Variants in RNF139 observed in about 807,000 individuals in gnomAD.
RNF139 encodes E3 ubiquitin-protein ligase RNF139.
A neutral mutation model predicts 49.5 loss-of-function variants in RNF139; 15 were observed. The observed-to-expected ratio is 0.30, with a 90% CI of 0.20 to 0.47. The LOEUF (loss-of-function observed/expected upper bound fraction) is 0.47, where lower values mean the gene tolerates loss of function less well. RNF139 is among the 20% of genes least tolerant of loss of function. The pLI is 1.00. For synonymous variants in RNF139, 325 were observed against 300.9 expected, an observed-to-expected ratio of 1.08 and a Z score of -0.83; for missense variants, 619 against 806.3, an observed-to-expected ratio of 0.77 and a Z score of 2.81.
rs1468276164 is a variant in RNF139, at chr8:124,482,944, AT to A, written c.182-2886del. The stretch of plus-strand genomic sequence containing the variant: ...TCCATTAAAAAAAATATAAAAAAAA[AT>A]ATATATATATATAATATATATATAT... On this transcript the variant is annotated intron_variant, in intron 1 of 1. Coordinates refer to ENST00000303545, the MANE Select transcript of RNF139 (RefSeq NM_007218.4). 1.3e-3 allele frequency among the ~76,000 whole-genome samples: 132 copies of A among 100,534 alleles called. 3 individuals are homozygous for A. The highest frequency in any genetic ancestry group is 8.4e-3 in the East Asian group (33 of 3,922). 66.0% of individuals were successfully genotyped at this position (100,534 alleles called of 152,430 possible).
In RNF139 at chr8:124,486,018, T is replaced by C; in HGVS notation, c.369T>C (p.Gly123=). 1 of 1,614,124 alleles carries C rather than the reference T, an allele frequency of 6.2e-7. No homozygotes were observed. The highest frequency in any genetic ancestry group is 8.5e-7 in the Non-Finnish European group (1 of 1,179,974). ...AFGIELLPRK[G]PSLWMALIVL... is the part of the protein sequence containing the mutation. ...GAATTGAGCTGCTTCCTCGAAAAGG[T>C]CCCTCGCTGTGGATGGCACTTATCG... is the stretch of plus-strand genomic sequence containing the variant. The change falls in exon 2 of 2, where the codon GGT becomes GGC. Residue 123 remains glycine (G), a synonymous_variant. Coordinates refer to ENST00000303545, the MANE Select transcript of RNF139 (RefSeq NM_007218.4).
chr8:124,483,059 AAAAT>A (rs1816466884), intron 1 of RNF139, among the ~76,000 whole-genome samples: 1 of 10,892 alleles, frequency 9.2e-5, no homozygotes, highest in Non-Finnish European at 1.7e-4. Context: ...ATATCTATTA[AAAAT>A]ATATATATAT....
Position 124,487,672 on chromosome 8 carries a change from G to A in RNF139, c.*28G>A, listed in dbSNP as rs759925652. ...AAAATAGCATTTATTAATGATTGAGGTATTTGTTTAAAATTCAGTTCATCC... is the reference window on the plus strand; with the variant it reads ...AAAATAGCATTTATTAATGATTGAGATATTTGTTTAAAATTCAGTTCATCC... On this transcript the variant is annotated 3_prime_UTR_variant, in exon 2 of 2. Coordinates refer to ENST00000303545, the MANE Select transcript of RNF139 (RefSeq NM_007218.4). 1.1e-5 allele frequency: 17 copies of A among 1,557,264 alleles called. No homozygotes were observed. The highest frequency in any genetic ancestry group is 9.8e-5 in the South Asian group (8 of 81,932).
chr8:124,487,044 T>C lies in RNF139; in HGVS notation c.1395T>C (p.Arg465=), dbSNP rs1816547953. The C allele has an allele frequency of 6.2e-7, 1 of 1,614,092 alleles. No homozygotes were observed. Among genetic ancestry groups the C allele is most frequent in the Non-Finnish European group, 8.5e-7 (1 of 1,179,998 alleles). ...EKLDDYVYYV[R]STGSIIEFIF... is the part of the protein sequence containing the mutation. ...TTGACGATTATGTCTACTACGTTCGTTCAACAGGCAGTATTATTGAATTTA... is the reference window on the plus strand; with the variant it reads ...TTGACGATTATGTCTACTACGTTCGCTCAACAGGCAGTATTATTGAATTTA... Residue 465 remains arginine, a synonymous_variant, in exon 2 of 2, where the codon CGT becomes CGC. Coordinates refer to ENST00000303545, the MANE Select transcript of RNF139 (RefSeq NM_007218.4).
chr8:124,487,275 A>C lies in RNF139; in HGVS notation c.1626A>C (p.Glu542Asp). Residue 542 changes from glutamate to aspartate, a missense_variant, in exon 2 of 2, where the codon GAA (glutamate) becomes GAC (aspartate). Glu to Asp is a conservative substitution (Grantham distance 45). Around this residue, in one of 2 missense-constraint regions of RNF139, gnomAD observed 530 missense variants for 728.9 expected, o/e 0.73. Transcript: ENST00000303545. ...LPEIKGSRLQ[E>D]INDVCAICYH... ...AAATAAAAGGGAGCCGCTTACAAGA[A>C]ATAAATGATGTATGTGCAATCTGCT... is the stretch of plus-strand genomic sequence containing the variant. 6.2e-7 allele frequency: 1 copy of C among 1,614,056 alleles called. No individual in the cohort carries two copies. The highest frequency in any genetic ancestry group is 8.5e-7 in the Non-Finnish European group (1 of 1,179,994).
chr8:124,487,202 C>T lies in RNF139; in HGVS notation c.1553C>T (p.Thr518Ile). The change falls in exon 2 of 2, where the codon ACA becomes ATA. Residue 518 changes from threonine to isoleucine, a missense_variant. By Grantham distance (89) the Thr-to-Ile change is moderately conservative. Around this residue, in one of 2 missense-constraint regions of RNF139, gnomAD observed 530 missense variants for 728.9 expected, o/e 0.73. Transcript: ENST00000303545. ...IYLQAKNGWKTFMNRRTAVKK... is the reference protein window; with the variant it reads ...IYLQAKNGWKIFMNRRTAVKK... ...TTACAAGCCAAAAATGGCTGGAAGA[C>T]ATTTATGAATCGTAGGACTGCTGTG... 1 of 1,613,924 alleles carries T rather than the reference C, an allele frequency of 6.2e-7. No individual in the cohort carries two copies. Among genetic ancestry groups the T allele is most frequent in the Non-Finnish European group, 8.5e-7 (1 of 1,179,956 alleles).
rs1485675361 is a variant in RNF139 at position 124,474,905 on chromosome 8, G to GCCA, written c.-203_-202insACC. The GCCA allele has an allele frequency of 1.5e-5, 5 of 330,842 alleles. No homozygotes were observed. Among genetic ancestry groups the GCCA allele is most frequent in the African/African-American group, 2.2e-5 (1 of 45,942 alleles). The allele number at this position is 330,842 out of a possible 1,614,324, so 20.5% of individuals were successfully genotyped here. On this transcript the variant is annotated 5_prime_UTR_variant, in exon 1 of 2. Transcript: ENST00000303545. The surrounding 1 kb of genome is among the most constrained non-coding windows in gnomAD (Gnocchi z 4.6). ...AGAGACCTCCTGGGGAGCCGCCGCC[G>GCCA]CCGCCCTCTCGGCCATCGCTGCCTC...
chr8:124,485,102 C>T (rs568329593), intron 1 of RNF139, among the ~76,000 whole-genome samples: 5 of 152,180 alleles, frequency 3.3e-5, no homozygotes, highest in East Asian at 1.9e-4. Context: ...CGGTGGCTCA[C>T]GCCTGTAATC....
At chr8:124,483,020 TA>T (rs1453064670) in intron 1 of RNF139, among the ~76,000 whole-genome samples, 1 of 98,372 alleles carries the variant, frequency 1.0e-5, no homozygotes, top group African/African-American at 4.5e-5. Flanking sequence ...AATATATATA[TA>T]TATTTAAATA....
At chr8:124,483,040 T>TTTAAATATATATATA (rs1586524315) in intron 1 of RNF139, among the ~76,000 whole-genome samples, 1 of 68,008 alleles carries the variant, frequency 1.5e-5, no homozygotes, top group East Asian at 3.6e-4. Flanking sequence ...TATATATATA[T>TTTAAATATATATATA]TTAAAAATAT....
rs1816592037 is a variant in RNF139 at position 124,488,388 on chromosome 8, T to TA, written c.*747dup. 4 of 360,780 alleles carry TA rather than the reference T, an allele frequency of 1.1e-5. No homozygotes were observed. The highest frequency in any genetic ancestry group is 4.2e-5 in the African/African-American group (2 of 47,176). The allele number at this position is 360,780 out of a possible 1,614,324, so 22.3% of individuals were successfully genotyped here. ...ATTACAAAACAAAAATAGTTTTTTT[T>TA]AAATTGTTTTAAACTAAGATACTCA... is the stretch of plus-strand genomic sequence containing the variant. On this transcript the variant is annotated 3_prime_UTR_variant, in exon 2 of 2. Coordinates refer to ENST00000303545, the MANE Select transcript of RNF139 (RefSeq NM_007218.4).
chr8:124,477,724 A>G (rs971104948), intron 1 of RNF139, among the ~76,000 whole-genome samples: 1 of 152,220 alleles, frequency 6.6e-6, no homozygotes, highest in Admixed American at 6.5e-5. Context: ...AAGGGATGTT[A>G]AATACTAAAC....
Position 124,487,888 on chromosome 8 carries a change from AT to A in RNF139, c.*249del. On this transcript the variant is annotated 3_prime_UTR_variant, in exon 2 of 2. Coordinates refer to ENST00000303545, the MANE Select transcript of RNF139 (RefSeq NM_007218.4). ...TGTACATAGAATAAAATGTTTTCAC[AT>A]TTTTATGACAAAATTTGAACAAATA... 1 of 384,410 alleles carries A rather than the reference AT, an allele frequency of 2.6e-6. No individual in the cohort carries two copies. The highest frequency in any genetic ancestry group is 4.6e-6 in the Non-Finnish European group (1 of 215,980). The allele number at this position is 384,410 out of a possible 1,614,324, so 23.8% of individuals were successfully genotyped here.
In RNF139 at chr8:124,482,882, C is replaced by G. The variant is rs376018281; in HGVS notation, c.182-2949C>G. 7.8e-5 allele frequency among the ~76,000 whole-genome samples: 11 copies of G among 141,210 alleles called. No individual in the cohort carries two copies. In the East Asian group the frequency reaches 2.3e-3, roughly 29 times the overall value. 92.6% of individuals were successfully genotyped at this position (141,210 alleles called of 152,430 possible). ...CAGAGGTTGCAGTGAGCCAAGATCA[C>G]GCCATTGCACTCCAGCCTGGGCAAC... On this transcript the variant is annotated intron_variant, in intron 1 of 1. Transcript: ENST00000303545.
chr8:124,481,941 T>TC (rs1253412655), intron 1 of RNF139, among the ~76,000 whole-genome samples: 1 of 152,112 alleles, frequency 6.6e-6, no homozygotes, highest in Admixed American at 6.6e-5. Flanking sequence ...AGCAGATTCT[T>TC]CCCAAATTCC....
intron 1 of RNF139, among the ~76,000 whole-genome samples, chr8:124,476,168 G>T (rs1160833660): frequency 6.6e-6 from 1 of 152,202 alleles, no homozygotes; most frequent in Non-Finnish European, 1.5e-5. Flanking sequence ...CAGACTGATG[G>T]TGAGGTCTTT....
intron 1 of RNF139, among the ~76,000 whole-genome samples, chr8:124,480,331 G>T (rs550671345): frequency 6.8e-6 from 1 of 147,664 alleles, no homozygotes; most frequent in South Asian, 2.2e-4. Flanking sequence ...TGATATTGAG[G>T]TTAAAAACCT....
chr8:124,482,599 T>C (rs569487885), intron 1 of RNF139, among the ~76,000 whole-genome samples: 1 of 152,146 alleles, frequency 6.6e-6, no homozygotes, highest in South Asian at 2.1e-4. Flanking sequence ...TTCCATTTTC[T>C]TGTTACCTTC....
intron 1 of RNF139, among the ~76,000 whole-genome samples, chr8:124,484,868 C>T (rs1324331286): frequency 6.6e-6 from 1 of 151,758 alleles, no homozygotes; most frequent in East Asian, 1.9e-4. Flanking sequence ...CAGCATTATA[C>T]AGGAAAAAGG....
Sources: allele counts gnomAD v4.1 joint callset (sites outside exome capture counted in the v4.1 genomes callset), GRCh38; gene constraint gnomAD v4.1.1; regional missense constraint gnomAD v4.1.1; non-coding constraint Gnocchi (gnomAD v3.1); transcripts MANE v1.5; gene names NCBI Gene and HGNC (gene_info 2026-07-23, HGNC 2026-07-21).